The following CNOT2 variants were observed in gnomAD, a reference collection of about 807,000 sequenced individuals.
CNOT2 encodes CCR4-NOT transcription complex subunit 2.
A neutral mutation model predicts 72.1 loss-of-function variants in CNOT2; 7 were observed. The ratio of observed to expected loss-of-function variants is 0.10; its 90% CI spans 0.06 to 0.18. CNOT2 has a LOEUF of 0.18. Among genes scored for constraint, CNOT2 ranks in the 10% least tolerant of loss-of-function variants. CNOT2 has a pLI of 1.00. For synonymous variants in CNOT2, 196 were observed against 225.6 expected (o/e 0.87, Z 1.17); for missense variants, 345 against 660.3 (o/e 0.52, Z 5.23).
At chr12:70,305,342 A>G (rs1310004628) in intron 2 of CNOT2, among the ~76,000 whole-genome samples, 1 of 152,170 alleles carries the variant, frequency 6.6e-6, no homozygotes, top group Non-Finnish European at 1.5e-5. Context: ...CACAATCATG[A>G]GAACAGCACA....
chr12:70,297,720 C>G, intron 2 of CNOT2: 1 of 339,362 alleles, frequency 2.9e-6, no homozygotes, highest in South Asian at 2.2e-5. Context: ...ATCTGAAGCC[C>G]TCCTTGGATA....
chr12:70,283,678 CTG>C (rs1870318350), intron 2 of CNOT2, among the ~76,000 whole-genome samples: 2 of 149,274 alleles, frequency 1.3e-5, no homozygotes, highest in Non-Finnish European at 3.0e-5. Context: ...GGAAAAAAGC[CTG>C]AATCCAATGA....
At position 70,278,249 on chromosome 12, in the gene CNOT2, C is replaced by T; in HGVS notation, c.23C>T (p.Thr8Ile). 6.2e-7 allele frequency: 1 copy of T among 1,611,582 alleles called. No homozygotes were observed. The highest frequency in any genetic ancestry group is 2.2e-5 in the East Asian group (1 of 44,840). MVRTDGH[T>I]LSEKRNYQVT... ...TCTATGGTGAGGACTGATGGACATA[C>T]ATTATCTGAGAAAAGAAACTACCAG... is the stretch of plus-strand genomic sequence containing the variant. Residue 8 changes from threonine (T) to isoleucine (I), a missense_variant, in exon 2 of 16, where the codon ACA becomes ATA. Transcript: ENST00000229195.
intron 1 of CNOT2, among the ~76,000 whole-genome samples, chr12:70,265,877 A>G (rs545973321): frequency 1.3e-5 from 2 of 152,094 alleles, no homozygotes; most frequent in South Asian, 2.1e-4. Context: ...CTCTATGACC[A>G]TGGATTACTT....
chr12:70,243,301 T>G (rs1957655943), upstream of CNOT2: 1 of 152,616 alleles, frequency 6.6e-6, no homozygotes, highest in Non-Finnish European at 1.5e-5. Context: ...GAAAGCGGCC[T>G]GCCTACCCAC....
chr12:70,339,066 A>ATGTGTGTGTG (rs1358955412), intron 11 of CNOT2, among the ~76,000 whole-genome samples: 207 of 134,752 alleles, frequency 1.5e-3, no homozygotes, highest in African/African-American at 5.9e-3. Flanking sequence ...GCATGTATAT[A>ATGTGTGTGTG]TGTGTGTGTG....
At chr12:70,277,531 T>C (rs184787447) in intron 1 of CNOT2, among the ~76,000 whole-genome samples, 66 of 152,260 alleles carry the variant, frequency 4.3e-4, no homozygotes, top group African/African-American at 1.5e-3. Context: ...GACAAAAGCA[T>C]CAAAGGAAGT....
At chr12:70,263,841 G>A (rs886726444) in intron 1 of CNOT2, among the ~76,000 whole-genome samples, 8 of 152,126 alleles carry the variant, frequency 5.3e-5, no homozygotes, top group African/African-American at 1.7e-4. Context: ...GTGCTTGTTT[G>A]CTTGTTTAAT....
chr12:70,264,992 C>A (rs2135751225), intron 1 of CNOT2, among the ~76,000 whole-genome samples: 1 of 151,956 alleles, frequency 6.6e-6, no homozygotes, highest in Middle Eastern at 3.4e-3. Context: ...TCTGGATAAA[C>A]CTTACTTGTT....
In CNOT2 at chr12:70,354,022, T is replaced by G; in HGVS notation, c.*107T>G. 6.9e-7 allele frequency: 1 copy of G among 1,457,746 alleles called. No homozygotes were observed. The highest frequency in any genetic ancestry group is 2.5e-5 in the East Asian group (1 of 40,068). 90.3% of individuals were successfully genotyped at this position (1,457,746 alleles called of 1,614,324 possible). On this transcript the variant is annotated 3_prime_UTR_variant, in exon 16 of 16. Coordinates refer to ENST00000229195, the MANE Select transcript of CNOT2 (RefSeq NM_014515.7). The stretch of plus-strand genomic sequence containing the variant: ...CTGATGTGGCTCAGGCACCCTGGTT[T>G]TAATTCCTTGAGGATCTGGCAATTG...
At chr12:70,335,097 G>A (rs772076441) in intron 7 of CNOT2, 13 of 172,088 alleles carry the variant, frequency 7.6e-5, no homozygotes, top group South Asian at 1.3e-4. Context: ...GAAAAGACAA[G>A]TTATATCGTA....
chr12:70,349,392 C>T (rs893634132), intron 15 of CNOT2, among the ~76,000 whole-genome samples: 2 of 152,112 alleles, frequency 1.3e-5, no homozygotes, highest in Admixed American at 1.3e-4. Context: ...AACCTCAATT[C>T]ACTGTAAGAA....
At chr12:70,269,357 A>G (rs1014589637) in intron 1 of CNOT2, among the ~76,000 whole-genome samples, 75 of 150,362 alleles carry the variant, frequency 5.0e-4, no homozygotes, top group Admixed American at 1.3e-3. Context: ...TCATGCTGTG[A>G]TATTCTCATC....
chr12:70,279,277 T>C (rs1455211887), intron 2 of CNOT2, among the ~76,000 whole-genome samples: 2 of 152,352 alleles, frequency 1.3e-5, no homozygotes, highest in Admixed American at 1.3e-4. Flanking sequence ...AATTGTAAAT[T>C]AGTCTTTTTG....
At position 70,288,136 on chromosome 12, in the gene CNOT2, CTTTTTTTTT is replaced by C. The variant is rs68143994; in HGVS notation, c.48+9878_48+9886del. 4.8e-3 allele frequency among the ~76,000 whole-genome samples: 414 copies of C among 86,740 alleles called. 4 individuals carry two copies. Among genetic ancestry groups the C allele is most frequent in the African/African-American group, 0.016 (374 of 23,466 alleles). 56.9% of individuals were successfully genotyped at this position (86,740 alleles called of 152,430 possible). A position where few individuals can be genotyped will look rare whatever the true frequency, so the allele number is the denominator to read the frequency against. Reference sequence around the variant, plus strand: ...GGGTTATTACAATTATGGTGTAGCTCTTTTTTTTTTTTTTTTTTTTTTTTGAAACGGAGT... The same window carrying C: ...GGGTTATTACAATTATGGTGTAGCTCTTTTTTTTTTTTTTTGAAACGGAGT... On this transcript the variant is annotated intron_variant, in intron 2 of 15. Coordinates refer to ENST00000229195, the MANE Select transcript of CNOT2 (RefSeq NM_014515.7).
Position 70,354,186 on chromosome 12 carries a change from A to G in CNOT2, c.*271A>G. Reference sequence around the variant, plus strand: ...TATTTCCTTTTTTGCCAGCAGACAGACTTGAGTCTGTAAAGACAAGCAAAT... The same window carrying G: ...TATTTCCTTTTTTGCCAGCAGACAGGCTTGAGTCTGTAAAGACAAGCAAAT... On this transcript the variant is annotated 3_prime_UTR_variant, in exon 16 of 16. Coordinates refer to ENST00000229195, the MANE Select transcript of CNOT2 (RefSeq NM_014515.7). 2.2e-6 allele frequency: 1 copy of G among 463,030 alleles called. No individual in the cohort carries two copies. Among genetic ancestry groups the G allele is most frequent in the Non-Finnish European group, 3.5e-6 (1 of 288,146 alleles). 28.7% of individuals were successfully genotyped at this position (463,030 alleles called of 1,614,324 possible).
upstream of CNOT2, chr12:70,243,425 G>A (rs1370974724): frequency 1.3e-5 from 2 of 152,618 alleles, no homozygotes; most frequent in African/African-American, 2.4e-5. Flanking sequence ...GCTCCCAGCA[G>A]CCTCCGCGGT....
chr12:70,246,628 TATATC>T (rs1434891921), intron 1 of CNOT2, among the ~76,000 whole-genome samples: 6 of 152,212 alleles, frequency 3.9e-5, no homozygotes, highest in Non-Finnish European at 7.3e-5. Context: ...CACTGTGACT[TATATC>T]AGATATTTTG....
In CNOT2 at chr12:70,342,179, CTATT is replaced by C; in HGVS notation, c.1240+13_1240+16del. The C allele has an allele frequency of 6.2e-7, 1 of 1,611,828 alleles. No individual in the cohort carries two copies. The highest frequency in any genetic ancestry group is 1.3e-5 in the African/African-American group (1 of 74,950). On this transcript the variant is annotated intron_variant, in intron 12 of 15. Transcript: ENST00000229195. The stretch of plus-strand genomic sequence containing the variant: ...GACCTCAAGACATAGGTAGGAGAAT[CTATT>C]TGTGTTTAGACCTTTTAAAAAGAAA...
Sources: allele counts gnomAD v4.1 joint callset (sites outside exome capture counted in the v4.1 genomes callset), GRCh38; gene constraint gnomAD v4.1.1; transcripts MANE v1.5; gene names NCBI Gene and HGNC (gene_info 2026-07-23, HGNC 2026-07-21).